DOCK7: variants seen among roughly 807,000 people sequenced by gnomAD.
DOCK7 encodes dedicator of cytokinesis protein 7.
Under a neutral mutation model 271.0 loss-of-function variants are expected in DOCK7, and 138 were observed. The observed-to-expected ratio is 0.51, with a 90% CI of 0.44 to 0.59. DOCK7 has a LOEUF of 0.59. Among genes scored for constraint, DOCK7 ranks in the 20% least tolerant of loss-of-function variants. The pLI is 0.00. For missense variants in DOCK7, 2,066 were observed against 2,592.4 expected (o/e 0.80, Z 4.41); for synonymous variants, 823 against 876.1 (o/e 0.94, Z 1.07).
intron 14 of DOCK7, among the ~76,000 whole-genome samples, chr1:62,606,582 T>A (rs1363508494): frequency 6.6e-6 from 1 of 152,164 alleles, no homozygotes; most frequent in Admixed American, 6.5e-5. Flanking sequence ...ATCTCTCTAC[T>A]ACTTAATAAT....
At chr1:62,492,661 G>T in intron 41 of DOCK7, 43 bp downstream of exon 41, 1 of 1,608,104 alleles carries the variant, frequency 6.2e-7, no homozygotes, top group Non-Finnish European at 8.5e-7. Context: ...TTGATAATTA[G>T]AGGTATGAAA....
At chr1:62,622,659 G>A (rs1009976964) in intron 12 of DOCK7, among the ~76,000 whole-genome samples, 6 of 152,200 alleles carry the variant, frequency 3.9e-5, no homozygotes, top group Admixed American at 2.0e-4. Context: ...GGCCAGGCAC[G>A]GCGTCTCACG....
intron 43 of DOCK7, among the ~76,000 whole-genome samples, chr1:62,480,438 T>TA (rs1646087300): frequency 6.6e-6 from 1 of 151,834 alleles, no homozygotes; most frequent in Non-Finnish European, 1.5e-5. Flanking sequence ...CCCAAGAGAG[T>TA]AAAAAATGTA....
intron 48 of DOCK7, among the ~76,000 whole-genome samples, chr1:62,460,592 G>T (rs1645491126): frequency 7.3e-6 from 1 of 137,120 alleles, no homozygotes. Context: ...GAAAACTTGT[G>T]CCAATGTATT....
chr1:62,654,121 T>C lies in DOCK7; in HGVS notation c.183A>G (p.Glu61=). The change falls in exon 3 of 50, where the codon GAA becomes GAG. Residue 61 remains glutamate, a synonymous_variant. Transcript: ENST00000635253. ...LTEAVDPVDL[E]DYLITHPLAV... ...CCAAAGGATGAGTAATGAGGTAATC[T>C]TCCAAATCCACTGGATCTACTGCTT... 1 of 1,613,906 alleles carries C rather than the reference T, an allele frequency of 6.2e-7. No homozygotes were observed. Among genetic ancestry groups the C allele is most frequent in the Non-Finnish European group, 8.5e-7 (1 of 1,179,876 alleles).
chr1:62,490,661 T>C (rs1646438269), intron 41 of DOCK7, among the ~76,000 whole-genome samples: 1 of 152,174 alleles, frequency 6.6e-6, no homozygotes, highest in African/African-American at 2.4e-5. Context: ...GAATAAAATT[T>C]ACAATTATAT....
chr1:62,611,904 G>A (rs1429326552), intron 14 of DOCK7, among the ~76,000 whole-genome samples: 1 of 151,790 alleles, frequency 6.6e-6, no homozygotes, highest in Non-Finnish European at 1.5e-5. Context: ...CAGCACTTTG[G>A]TAGGCTGAGG....
At chr1:62,513,634 G>C (rs770675977) in intron 32 of DOCK7, 28 bp from the exon 33 acceptor site, 1 of 1,603,638 alleles carries the variant, frequency 6.2e-7, no homozygotes, top group Non-Finnish European at 8.5e-7. Flanking sequence ...GAAGAGAAGA[G>C]GTATTGAGGA....
chr1:62,518,417 CAA>C (rs770001839), intron 31 of DOCK7, among the ~76,000 whole-genome samples: 35 of 151,982 alleles, frequency 2.3e-4, no homozygotes, highest in Non-Finnish European at 4.4e-4. Context: ...TAAAAAAATA[CAA>C]AAAAGTTAGC....
chr1:62,472,598 G>A (rs1486048400), intron 48 of DOCK7, among the ~76,000 whole-genome samples: 3 of 152,152 alleles, frequency 2.0e-5, no homozygotes, highest in Non-Finnish European at 4.4e-5. Context: ...GTTACTAAAT[G>A]TCTATGACCT....
chr1:62,485,312 T>G, intron 43 of DOCK7: 1 of 985,378 alleles, frequency 1.0e-6, no homozygotes, highest in Non-Finnish European at 1.2e-6. Flanking sequence ...GTAAAGACTT[T>G]ACTGAAATAC....
At chr1:62,612,946 T>A (rs1324726954) in intron 14 of DOCK7, among the ~76,000 whole-genome samples, 2 of 152,238 alleles carry the variant, frequency 1.3e-5, no homozygotes, top group Non-Finnish European at 2.9e-5. Context: ...GAATACCATG[T>A]GTTCTGTGGA....
chr1:62,635,432 G>C (rs910868425), intron 8 of DOCK7: 7 of 152,306 alleles, frequency 4.6e-5, no homozygotes, highest in Admixed American at 1.3e-4. Flanking sequence ...AGCTACTCGG[G>C]AGGCTGAGCC....
rs752750408 is a variant in DOCK7, at chr1:62,496,444, G to A, written c.4818C>T (p.Gly1606=). The A allele has an allele frequency of 6.2e-7, 1 of 1,613,534 alleles. No homozygotes were observed. The highest frequency in any genetic ancestry group is 8.5e-7 in the Non-Finnish European group (1 of 1,179,674). The change falls in exon 38 of 50, where the codon GGC becomes GGT. Residue 1606 remains glycine (G), a synonymous_variant. Coordinates refer to ENST00000635253, the MANE Select transcript of DOCK7 (RefSeq NM_001367561.1). The part of the protein sequence containing the change: ...QVTMSLSSLV[G]TSQNFNEEFL... ...ATTCTTCATTAAAATTCTGAGATGTGCCCACCAAGGAGGATAGTGACATTG... is the reference window on the plus strand; with the variant it reads ...ATTCTTCATTAAAATTCTGAGATGTACCCACCAAGGAGGATAGTGACATTG...
chr1:62,509,633 C>T (rs370716859), intron 34 of DOCK7, among the ~76,000 whole-genome samples: 1 of 152,072 alleles, frequency 6.6e-6, no homozygotes, highest in Non-Finnish European at 1.5e-5. Flanking sequence ...GAAAGGAAAG[C>T]ACACATTCCA....
chr1:62,592,477 A>G (rs1648590996), intron 14 of DOCK7, among the ~76,000 whole-genome samples: 1 of 152,178 alleles, frequency 6.6e-6, no homozygotes, highest in Admixed American at 6.5e-5. Flanking sequence ...AGCATCTATT[A>G]ATACACAGCA....
chr1:62,619,059 G>A lies in DOCK7; in HGVS notation c.1520-191C>T, dbSNP rs572059152. ...CAAAGTCTCAAACTTAAAAATTACCGATCCAGACATAAATGCACGTAAAAT... is the reference window on the plus strand; with the variant it reads ...CAAAGTCTCAAACTTAAAAATTACCAATCCAGACATAAATGCACGTAAAAT... On this transcript the variant is annotated intron_variant, in intron 13 of 49. Transcript: ENST00000635253. Among the ~76,000 whole-genome samples the A allele has an allele frequency of 2.1e-3, 318 of 151,650 alleles. 2 individuals carry two copies. The highest frequency in any genetic ancestry group is 7.3e-3 in the African/African-American group (300 of 41,330).
chr1:62,645,699 T>A (rs1571887080), intron 7 of DOCK7, among the ~76,000 whole-genome samples: 1 of 152,324 alleles, frequency 6.6e-6, no homozygotes, highest in East Asian at 1.9e-4. Context: ...GTACACTGAA[T>A]ATACACTGAG....
rs752861492 is a variant in DOCK7, at chr1:62,559,167, CAGG to C, written c.2250_2252del (p.His750_Leu751delinsGln). On this transcript the variant is annotated inframe_deletion, in exon 20 of 50. Coordinates refer to ENST00000635253, the MANE Select transcript of DOCK7 (RefSeq NM_001367561.1). ...GCATGTCCCCAATTCGGACTGGGAA[CAGG>C]TGTTCATCCAGAGCATTGACCAGAG... 6.2e-7 allele frequency: 1 copy of C among 1,613,750 alleles called. No homozygotes were observed.
Sources: allele counts gnomAD v4.1 joint callset (sites outside exome capture counted in the v4.1 genomes callset), GRCh38; gene constraint gnomAD v4.1.1; transcripts MANE v1.5; gene names NCBI Gene and HGNC (gene_info 2026-07-23, HGNC 2026-07-21).